Variants in SNX31 observed in about 807,000 individuals in gnomAD.
The protein encoded by SNX31 is sorting nexin-31.
A neutral mutation model predicts 65.4 loss-of-function variants in SNX31; 58 were observed. The ratio of observed to expected loss-of-function variants is 0.89; its 90% CI spans 0.72 to 1.10. The LOEUF (loss-of-function observed/expected upper bound fraction) is 1.10. SNX31 is among the 50% of genes least tolerant of loss of function. The pLI is 0.00. For missense variants in SNX31, 523 were observed against 529.7 expected (o/e 0.99, Z 0.12); for synonymous variants, 181 against 190.1 (o/e 0.95, Z 0.39).
At chr8:100,587,162 G>T (rs1814121090) in intron 11 of SNX31, among the ~76,000 whole-genome samples, 1 of 152,150 alleles carries the variant, frequency 6.6e-6, no homozygotes, top group Non-Finnish European at 1.5e-5. Context: ...CTAGATGCTT[G>T]GTTCCCAGAC....
At position 100,584,270 on chromosome 8, in the gene SNX31, T is replaced by C. The variant is rs1813826932; in HGVS notation, c.1093-82A>G. On this transcript the variant is annotated intron_variant, in intron 11 of 13. Transcript: ENST00000311812. ...TTCCCTCCTCACACCACAAAGCGGA[T>C]TTTGACTCTGCCCTCCAATAACACA... The C allele has an allele frequency of 2.8e-6, 3 of 1,085,278 alleles. No homozygotes were observed. The South Asian group carries it at 5.1e-5, about 18-fold the overall frequency. 67.2% of individuals were successfully genotyped at this position (1,085,278 alleles called of 1,614,324 possible).
At chr8:100,624,402 A>G (rs1306810527) in intron 4 of SNX31, among the ~76,000 whole-genome samples, 1 of 152,212 alleles carries the variant, frequency 6.6e-6, no homozygotes, top group Non-Finnish European at 1.5e-5. Flanking sequence ...AGGACAGGGG[A>G]GTGTTATAAT....
intron 8 of SNX31, among the ~76,000 whole-genome samples, chr8:100,600,777 G>T (rs2130934862): frequency 6.6e-6 from 1 of 152,116 alleles, no homozygotes; most frequent in Non-Finnish European, 1.5e-5. Flanking sequence ...TTGAGGTAGG[G>T]AATATCTTTT....
rs1053622369 is a variant in SNX31, at chr8:100,612,552, G to A, written c.523+443C>T. 6.6e-6 allele frequency among the ~76,000 whole-genome samples: 1 copy of A among 152,036 alleles called. No homozygotes were observed. Among genetic ancestry groups the A allele is most frequent in the Non-Finnish European group, 1.5e-5 (1 of 68,018 alleles). ...AAACAAAAGATAGGAGAATCAGACTGTCTTCTTACACTATCTCATTACACT... is the reference window on the plus strand; with the variant it reads ...AAACAAAAGATAGGAGAATCAGACTATCTTCTTACACTATCTCATTACACT... On this transcript the variant is annotated intron_variant, in intron 6 of 13. Coordinates refer to ENST00000311812, the MANE Select transcript of SNX31 (RefSeq NM_152628.4). This position sits in a 1 kb window ranked among gnomAD's most constrained non-coding sequence, Gnocchi z 4.3.
intron 1 of SNX31, among the ~76,000 whole-genome samples, chr8:100,656,413 G>A (rs1820052679): frequency 6.6e-6 from 1 of 151,946 alleles, no homozygotes; most frequent in African/African-American, 2.4e-5. Flanking sequence ...GCCAAGGCAG[G>A]CAGATCACCT....
intron 3 of SNX31, among the ~76,000 whole-genome samples, chr8:100,635,613 C>G (rs971257931): frequency 6.6e-6 from 1 of 151,200 alleles, no homozygotes; most frequent in Non-Finnish European, 1.5e-5. Context: ...ATTATATAAT[C>G]CCTTATATAT....
chr8:100,647,296 C>T (rs960054004), intron 2 of SNX31, among the ~76,000 whole-genome samples: 10 of 152,108 alleles, frequency 6.6e-5, no homozygotes, highest in African/African-American at 1.9e-4. Context: ...TTATTAAAAT[C>T]TATTGTATGT....
At chr8:100,615,949 A>G (rs1417043384) in intron 5 of SNX31, among the ~76,000 whole-genome samples, 2 of 149,198 alleles carry the variant, frequency 1.3e-5, no homozygotes, top group African/African-American at 2.5e-5. Context: ...TTTTTTTTGT[A>G]TTTTTCAGTA....
At chr8:100,621,921 G>A (rs113965595) in intron 4 of SNX31, among the ~76,000 whole-genome samples, 4 of 152,326 alleles carry the variant, frequency 2.6e-5, no homozygotes, top group African/African-American at 7.2e-5. Context: ...CTTCAGCTGG[G>A]GCTGCTAATC....
At chr8:100,583,207 A>C (rs759331011) in intron 12 of SNX31, among the ~76,000 whole-genome samples, 1 of 151,506 alleles carries the variant, frequency 6.6e-6, no homozygotes. Context: ...TCTGGGATCA[A>C]GCAATTCTCC....
Position 100,641,048 on chromosome 8 carries a change from C to G in SNX31, c.142-5037G>C, listed in dbSNP as rs1464529764. On this transcript the variant is annotated intron_variant, in intron 2 of 13. Transcript: ENST00000311812. The stretch of plus-strand genomic sequence containing the variant: ...GGAAACTGTGGATTATATGGAAACC[C>G]TCTGTCCTATCTTTTCTGAAAACTA... Among the ~76,000 whole-genome samples the G allele has an allele frequency of 2.0e-5, 3 of 151,900 alleles. No individual in the cohort carries two copies. In the East Asian group the frequency reaches 5.8e-4, roughly 29 times the overall value.
At chr8:100,637,931 G>T (rs1290367846) in intron 2 of SNX31, among the ~76,000 whole-genome samples, 2 of 152,142 alleles carry the variant, frequency 1.3e-5, no homozygotes, top group African/African-American at 2.4e-5. Context: ...CCTGACCTCA[G>T]GTGATCTGGC....
At chr8:100,639,909 G>GA (rs928033014) in intron 2 of SNX31, among the ~76,000 whole-genome samples, 5 of 151,934 alleles carry the variant, frequency 3.3e-5, no homozygotes, top group African/African-American at 9.7e-5. Flanking sequence ...CAAAACAAAT[G>GA]AAAAAAACAA....
chr8:100,655,133 G>A (rs1057010531), intron 1 of SNX31, among the ~76,000 whole-genome samples: 2 of 152,140 alleles, frequency 1.3e-5, no homozygotes, highest in African/African-American at 4.8e-5. Context: ...CTTGGGGAAG[G>A]GGCACGGTGA....
rs1009293488 is a variant in SNX31 at position 100,604,409 on chromosome 8, C to T, written c.682-3968G>A. Among the ~76,000 whole-genome samples, 45 of 152,294 alleles carry T rather than the reference C, an allele frequency of 3.0e-4. No individual in the cohort carries two copies. The highest frequency in any genetic ancestry group is 6.7e-4 in the African/African-American group (28 of 41,566). ...TAGAGGTCATATGCCTCTCAAAGGCCGGCACTGGCCACTCGGCTCTGGCGA... is the reference window on the plus strand; with the variant it reads ...TAGAGGTCATATGCCTCTCAAAGGCTGGCACTGGCCACTCGGCTCTGGCGA... On this transcript the variant is annotated intron_variant, in intron 8 of 13. Coordinates refer to ENST00000311812, the MANE Select transcript of SNX31 (RefSeq NM_152628.4). The surrounding 1 kb of genome is among the most constrained non-coding windows in gnomAD (Gnocchi z 4.3).
intron 8 of SNX31, among the ~76,000 whole-genome samples, chr8:100,606,727 A>C (rs1409603556): frequency 6.6e-6 from 1 of 152,214 alleles, no homozygotes; most frequent in African/African-American, 2.4e-5. Flanking sequence ...AATAAAGGCC[A>C]CCTGTAAACA....
In SNX31 at chr8:100,609,016, C is replaced by T. The variant is rs1232441729; in HGVS notation, c.612-453G>A. 6.6e-6 allele frequency among the ~76,000 whole-genome samples: 1 copy of T among 152,180 alleles called. No homozygotes were observed. The highest frequency in any genetic ancestry group is 1.5e-5 in the Non-Finnish European group (1 of 68,028). On this transcript the variant is annotated intron_variant, in intron 7 of 13. Coordinates refer to ENST00000311812, the MANE Select transcript of SNX31 (RefSeq NM_152628.4). The surrounding 1 kb of genome is among the most constrained non-coding windows in gnomAD (Gnocchi z 4.9). ...CCAGGCTTTCTGTCTCAGCCATGTGCCCTTAATCTGATGCTCCACATTCTA... is the reference window on the plus strand; with the variant it reads ...CCAGGCTTTCTGTCTCAGCCATGTGTCCTTAATCTGATGCTCCACATTCTA...
chr8:100,641,565 A>AATATATATATAT (rs1237945389), intron 2 of SNX31, among the ~76,000 whole-genome samples: 21 of 32,104 alleles, frequency 6.5e-4, no homozygotes, highest in Admixed American at 9.6e-4. Flanking sequence ...AAAAAAAAAA[A>AATATATATATAT]ATATATATAT....
At chr8:100,637,920 T>C (rs1029369116) in intron 2 of SNX31, among the ~76,000 whole-genome samples, 1 of 152,206 alleles carries the variant, frequency 6.6e-6, no homozygotes, top group Non-Finnish European at 1.5e-5. Context: ...GGTCTCAAAC[T>C]CCTGACCTCA....
Sources: allele counts gnomAD v4.1 joint callset (sites outside exome capture counted in the v4.1 genomes callset), GRCh38; gene constraint gnomAD v4.1.1; non-coding constraint Gnocchi (gnomAD v3.1); transcripts MANE v1.5; gene names NCBI Gene and HGNC (gene_info 2026-07-23, HGNC 2026-07-21).